Variants in ADAM9 observed in about 807,000 individuals in gnomAD.
ADAM9 encodes disintegrin and metalloproteinase domain-containing protein 9.
Under a neutral mutation model 108.1 loss-of-function variants are expected in ADAM9, and 54 were observed. The observed-to-expected ratio is 0.50, with a 90% CI of 0.40 to 0.63. The LOEUF is 0.63. ADAM9 is among the 20% of genes least tolerant of loss of function. ADAM9 has a pLI of 0.00. For synonymous variants in ADAM9, 316 were observed against 336.0 expected (o/e 0.94, Z 0.65); for missense variants, 830 against 997.7 (o/e 0.83, Z 2.26).
At position 39,014,009 on chromosome 8, in the gene ADAM9, A is replaced by T. The variant is rs1290408637; in HGVS notation, c.299A>T (p.Glu100Val). The T allele has an allele frequency of 1.4e-5, 22 of 1,613,588 alleles. No individual in the cohort carries two copies. The highest frequency in any genetic ancestry group is 1.9e-5 in the Non-Finnish European group (22 of 1,179,744). ...EDFVVYTYNK[E>V]GTLITDHPNI... Reference sequence around the variant, plus strand: ...TTTGTGGTTTATACTTACAACAAGGAAGGGACTTTAATCACTGACCATCCC... The same window carrying T: ...TTTGTGGTTTATACTTACAACAAGGTAGGGACTTTAATCACTGACCATCCC... The change falls in exon 4 of 22, where the codon GAA becomes GTA. Residue 100 changes from glutamate (E) to valine (V), a missense_variant. Glu to Val is a moderately radical substitution (Grantham distance 121, BLOSUM62 -2). Around this residue, in one of 3 missense-constraint regions of ADAM9, gnomAD observed 211 missense variants for 222.2 expected, o/e 0.95. Coordinates refer to ENST00000487273, the MANE Select transcript of ADAM9 (RefSeq NM_003816.3).
At chr8:39,051,208 T>C (rs1195641378) in intron 12 of ADAM9, among the ~76,000 whole-genome samples, 1 of 152,158 alleles carries the variant, frequency 6.6e-6, no homozygotes, top group Non-Finnish European at 1.5e-5. Flanking sequence ...TCTAAAAAAC[T>C]GTAATATTGG....
At chr8:39,079,468 T>C (rs6474525) in intron 16 of ADAM9, among the ~76,000 whole-genome samples, 62,476 of 152,006 alleles carry the variant, frequency 0.41, 13,634 homozygotes, top group East Asian at 0.73. Flanking sequence ...CATATTGATA[T>C]CTCTTTTTCT....
intron 11 of ADAM9, among the ~76,000 whole-genome samples, chr8:39,033,143 G>T (rs1278329664): frequency 6.6e-6 from 1 of 152,066 alleles, no homozygotes; most frequent in African/African-American, 2.4e-5. Context: ...TACATATTTT[G>T]TTAGATTTAT....
At chr8:39,002,986 C>T (rs149881335) in intron 1 of ADAM9, among the ~76,000 whole-genome samples, 15 of 151,828 alleles carry the variant, frequency 9.9e-5, no homozygotes, top group East Asian at 2.0e-4. Context: ...CAAGTGGTCT[C>T]GTGCCTCAGC....
At chr8:38,997,308 A>G in intron 1 of ADAM9, 148 bp downstream of exon 1, 1 of 912,860 alleles carries the variant, frequency 1.1e-6, no homozygotes. Flanking sequence ...GTGTGTGCGG[A>G]CCGGGGTCGC....
intron 3 of ADAM9, among the ~76,000 whole-genome samples, chr8:39,013,247 A>G (rs1198582618): frequency 2.0e-5 from 3 of 152,212 alleles, no homozygotes; most frequent in Non-Finnish European, 2.9e-5. Flanking sequence ...TCTTATTTAT[A>G]TAGAACTTTA....
Position 39,045,096 on chromosome 8 carries a change from G to GTGTGTGCATACATACATA in ADAM9, c.1302+2985_1302+2986insCATACATACATATGTGTG, listed in dbSNP as rs1564297198. On this transcript the variant is annotated intron_variant, in intron 12 of 21. Coordinates refer to ENST00000487273, the MANE Select transcript of ADAM9 (RefSeq NM_003816.3). ...TATGTGTGTGTGCATACATACATAT[G>GTGTGTGCATACATACATA]TGTGTGTGCATACATACATATGTGT... 7.8e-4 allele frequency among the ~76,000 whole-genome samples: 12 copies of GTGTGTGCATACATACATA among 15,466 alleles called. 2 individuals are homozygous for GTGTGTGCATACATACATA. Among genetic ancestry groups the GTGTGTGCATACATACATA allele is most frequent in the Non-Finnish European group, 1.5e-3 (12 of 8,160 alleles). 10.1% of individuals were successfully genotyped at this position (15,466 alleles called of 152,430 possible).
In ADAM9 at chr8:39,082,624, A is replaced by G. The variant is rs1468761072; in HGVS notation, c.1882-17A>G. 1.6e-6 allele frequency: 2 copies of G among 1,223,254 alleles called. No homozygotes were observed. The highest frequency in any genetic ancestry group is 1.1e-6 in the Non-Finnish European group (1 of 880,446). The allele number at this position is 1,223,254 out of a possible 1,614,324, so 75.8% of individuals were successfully genotyped here. Reference sequence around the variant, plus strand: ...TGCTCAATCTTTCTTTACTTAGTTCATTTTTTTTTTTTTCAGATCTGTAGA... The same window carrying G: ...TGCTCAATCTTTCTTTACTTAGTTCGTTTTTTTTTTTTTCAGATCTGTAGA... On this transcript the variant is annotated splice_polypyrimidine_tract_variant and intron_variant, in intron 16 of 21. Coordinates refer to ENST00000487273, the MANE Select transcript of ADAM9 (RefSeq NM_003816.3).
intron 14 of ADAM9, among the ~76,000 whole-genome samples, chr8:39,059,599 T>G (rs1838233239): frequency 2.0e-5 from 3 of 152,210 alleles, no homozygotes; most frequent in African/African-American, 7.2e-5. Flanking sequence ...AGGCCACCCT[T>G]TGGTGAACAT....
chr8:39,083,470 C>T (rs901359939), intron 18 of ADAM9, among the ~76,000 whole-genome samples: 24 of 152,156 alleles, frequency 1.6e-4, no homozygotes, highest in African/African-American at 5.5e-4. Flanking sequence ...CATGACTTGC[C>T]CCTAGCTTGC....
chr8:39,010,625 C>T (rs936863673), intron 2 of ADAM9, among the ~76,000 whole-genome samples: 2 of 152,158 alleles, frequency 1.3e-5, no homozygotes, highest in African/African-American at 2.4e-5. Context: ...CCAGAGATCA[C>T]GTTAAGCACT....
intron 12 of ADAM9, among the ~76,000 whole-genome samples, chr8:39,052,034 A>G (rs1837975164): frequency 6.6e-6 from 1 of 152,172 alleles, no homozygotes; most frequent in South Asian, 2.1e-4. Context: ...GAATTATTGT[A>G]TCTAAAAGCA....
At position 39,017,254 on chromosome 8, in the gene ADAM9, T is replaced by A; in HGVS notation, c.446T>A (p.Ile149Asn). 1.2e-6 allele frequency: 2 copies of A among 1,614,154 alleles called. No homozygotes were observed. Among genetic ancestry groups the A allele is most frequent in the Non-Finnish European group, 1.7e-6 (2 of 1,180,022 alleles). ...CATTTAGAGAATGCGAGTTATGGGA[T>A]TGAACCCCTGCAGAACAGCTCTCAT... ...LLHLENASYG[I>N]EPLQNSSHFE... is the part of the protein sequence containing the mutation. Residue 149 changes from isoleucine (I) to asparagine (N), a missense_variant, in exon 6 of 22, where the codon ATT (isoleucine) becomes AAT (asparagine). By Grantham distance (149) the Ile-to-Asn change is moderately radical. Around this residue, in one of 3 missense-constraint regions of ADAM9, gnomAD observed 211 missense variants for 222.2 expected, o/e 0.95. Coordinates refer to ENST00000487273, the MANE Select transcript of ADAM9 (RefSeq NM_003816.3).
chr8:39,067,277 A>T lies in ADAM9; in HGVS notation c.1592-4021A>T, dbSNP rs915427867. 3.4e-4 allele frequency among the ~76,000 whole-genome samples: 51 copies of T among 152,132 alleles called. 1 individual carries two copies. The highest frequency in any genetic ancestry group is 2.6e-3 in the Admixed American group (40 of 15,276). On this transcript the variant is annotated intron_variant, in intron 14 of 21. Transcript: ENST00000487273. ...TATGAACTTTAAAGTATTTTTTTCC[A>T]ATTCTGTGAAGAAAGTCATTGGTAG...
At chr8:39,091,078 T>A (rs1839339297) in intron 19 of ADAM9, among the ~76,000 whole-genome samples, 181 bp from the exon 20 acceptor site, 2 of 152,198 alleles carry the variant, frequency 1.3e-5, no homozygotes, top group South Asian at 4.1e-4. Context: ...TCTAATACCA[T>A]AAGGATTAAA....
At chr8:39,005,563 G>T (rs549384971) in intron 1 of ADAM9, among the ~76,000 whole-genome samples, 3 of 152,168 alleles carry the variant, frequency 2.0e-5, no homozygotes, top group Admixed American at 6.5e-5. Flanking sequence ...TACTGATCCA[G>T]ATGTTAACAT....
At chr8:39,055,007 C>T (rs1838074003) in intron 13 of ADAM9, among the ~76,000 whole-genome samples, 1 of 152,010 alleles carries the variant, frequency 6.6e-6, no homozygotes, top group African/African-American at 2.4e-5. Flanking sequence ...TTACTACCTG[C>T]TTTTTTCAAT....
intron 1 of ADAM9, among the ~76,000 whole-genome samples, chr8:39,003,002 G>A (rs750069140): frequency 3.9e-5 from 6 of 151,980 alleles, no homozygotes; most frequent in African/African-American, 7.3e-5. Context: ...TCAGCCTCCC[G>A]AGTAGCTGGG....
intron 9 of ADAM9, 30 bp downstream of exon 9, chr8:39,023,355 T>G (rs1836811211): frequency 1.3e-6 from 2 of 1,576,236 alleles, no homozygotes; most frequent in Non-Finnish European, 1.7e-6. Context: ...GTACTATTAA[T>G]GAAATAATCA....
Sources: allele counts gnomAD v4.1 joint callset (sites outside exome capture counted in the v4.1 genomes callset), GRCh38; gene constraint gnomAD v4.1.1; regional missense constraint gnomAD v4.1.1; transcripts MANE v1.5; gene names NCBI Gene and HGNC (gene_info 2026-07-23, HGNC 2026-07-21).